Variants in HPS5 observed in about 807,000 individuals in gnomAD.
The protein encoded by HPS5 is BLOC-2 complex member HPS5.
A neutral mutation model predicts 128.0 loss-of-function variants in HPS5; 83 were observed. The observed-to-expected ratio is 0.65, with a 90% CI of 0.54 to 0.78. The LOEUF (loss-of-function observed/expected upper bound fraction) is 0.78, where lower values mean the gene tolerates loss of function less well. HPS5 is among the 30% of genes least tolerant of loss of function. The probability of loss-of-function intolerance (pLI) is 0.00; values close to 1 mark genes in which losing one functional copy is unlikely to be tolerated. For missense variants in HPS5, 1,281 were observed against 1,326.2 expected, an observed-to-expected ratio of 0.97 and a Z score of 0.53; for synonymous variants, 475 against 470.2, an observed-to-expected ratio of 1.01 and a Z score of -0.13.
At chr11:18,292,160 T>G in intron 15 of HPS5, 141 bp from the exon 16 acceptor site, 1 of 672,496 alleles carries the variant, frequency 1.5e-6, no homozygotes, top group Non-Finnish European at 2.6e-6. Context: ...AAATAAAAAC[T>G]ATCTCAACAA....
At chr11:18,307,200 C>A (rs1292825642) in intron 6 of HPS5, among the ~76,000 whole-genome samples, 6 of 152,174 alleles carry the variant, frequency 3.9e-5, no homozygotes, top group Admixed American at 3.9e-4. Context: ...GTCAGGCCTA[C>A]AAAAAGCACT....
rs117906952 is a variant in HPS5 at position 18,298,184 on chromosome 11, G to T, written c.1165-467C>A. 9.1e-3 allele frequency among the ~76,000 whole-genome samples: 1,381 copies of T among 152,156 alleles called. 19 individuals are homozygous for T. The highest frequency in any genetic ancestry group is 0.014 in the Middle Eastern group (4 of 294). On this transcript the variant is annotated intron_variant, in intron 10 of 22. Transcript: ENST00000349215. ...AGCAAGCTGGAGAAAGATTTAATGA[G>T]AATTTTCTTAGGAATTAAGAATTTA...
chr11:18,304,286 G>A (rs554219419), intron 8 of HPS5, among the ~76,000 whole-genome samples: 2 of 149,626 alleles, frequency 1.3e-5, no homozygotes, highest in Non-Finnish European at 1.5e-5. Context: ...GCACGATCTC[G>A]GCTCACTGCA....
At chr11:18,314,244 T>G (rs1360245474) in intron 2 of HPS5, among the ~76,000 whole-genome samples, 1 of 150,588 alleles carries the variant, frequency 6.6e-6, no homozygotes, top group Admixed American at 6.6e-5. Flanking sequence ...GCATCCCCCC[T>G]CCCCCGACCA....
rs144943192 is a variant in HPS5 at position 18,317,926 on chromosome 11, A to C, written c.-49-19T>G. The C allele has an allele frequency of 2.2e-5, 33 of 1,533,298 alleles. No individual in the cohort carries two copies. The African/African-American group carries it at 4.4e-4, about 20-fold the overall frequency. 95.0% of individuals were successfully genotyped at this position (1,533,298 alleles called of 1,614,324 possible). ...TCCTCACCTGAATAAAATCCACAAAAATATAATTTAAGAAGCCCACCATTC... is the reference window on the plus strand; with the variant it reads ...TCCTCACCTGAATAAAATCCACAAACATATAATTTAAGAAGCCCACCATTC... On this transcript the variant is annotated intron_variant, in intron 1 of 22. Transcript: ENST00000349215.
chr11:18,282,996 A>C (rs548419352), intron 21 of HPS5, among the ~76,000 whole-genome samples: 1 of 152,094 alleles, frequency 6.6e-6, no homozygotes, highest in African/African-American at 2.4e-5. Flanking sequence ...GAATTCAAGG[A>C]ATTTTTCTTT....
chr11:18,299,185 T>C (rs1861426171), intron 9 of HPS5, among the ~76,000 whole-genome samples: 1 of 152,224 alleles, frequency 6.6e-6, no homozygotes, highest in African/African-American at 2.4e-5. Context: ...GAAAGAACTA[T>C]ATCTCTCTGA....
At chr11:18,283,508 AT>A (rs1331152006) in intron 21 of HPS5, among the ~76,000 whole-genome samples, 2 of 151,990 alleles carry the variant, frequency 1.3e-5, no homozygotes, top group Non-Finnish European at 2.9e-5. Flanking sequence ...TTGTTATCTC[AT>A]TTAAAACAAC....
In HPS5 at chr11:18,300,832, G is replaced by C. The variant is rs141140267; in HGVS notation, c.981C>G (p.Val327=). Residue 327 remains valine (V), a synonymous_variant, in exon 9 of 23, where the codon GTC becomes GTG. Transcript: ENST00000349215. ...TACAAAGAAAAATATAATTACCTTT[G>C]ACTTCACTCCAAAGAAGAACTTGAA... The part of the protein sequence containing the change: ...QNVQVLLWSE[V]KDIQDVAVCR... The C allele has an allele frequency of 6.7e-7, 1 of 1,486,684 alleles. No individual in the cohort carries two copies. The highest frequency in any genetic ancestry group is 1.4e-5 in the African/African-American group (1 of 72,292). 92.1% of individuals were successfully genotyped at this position (1,486,684 alleles called of 1,614,324 possible).
chr11:18,283,787 T>C lies in HPS5; in HGVS notation c.3058+8A>G. On this transcript the variant is annotated splice_region_variant and intron_variant, in intron 21 of 22. Coordinates refer to ENST00000349215, the MANE Select transcript of HPS5 (RefSeq NM_181507.2). ...ACAACCAAGAGTAACCAGTTAGGAT[T>C]GACATACCATTGTCCCCTTCCATCA... The C allele has an allele frequency of 1.3e-6, 2 of 1,586,080 alleles. No individual in the cohort carries two copies. The highest frequency in any genetic ancestry group is 1.1e-5 in the South Asian group (1 of 90,518).
chr11:18,318,003 G>C lies in HPS5; in HGVS notation c.-49-96C>G, dbSNP rs533587323. 9.1e-6 allele frequency: 8 copies of C among 881,808 alleles called. No homozygotes were observed. In the East Asian group the frequency reaches 2.1e-4, roughly 23 times the overall value. The allele number at this position is 881,808 out of a possible 1,614,324, so 54.6% of individuals were successfully genotyped here. A position where few individuals can be genotyped will look rare whatever the true frequency, so the allele number is the denominator to read the frequency against. On this transcript the variant is annotated intron_variant, in intron 1 of 22. Coordinates refer to ENST00000349215, the MANE Select transcript of HPS5 (RefSeq NM_181507.2). The stretch of plus-strand genomic sequence containing the variant: ...GGGGAACATAGAGAAACATGAGAAA[G>C]TCCCCACTATACAGGGACTTAGAAA...
chr11:18,286,574 G>C lies in HPS5; in HGVS notation c.2837+17C>G. The stretch of plus-strand genomic sequence containing the variant: ...AAAAGTAAAGAAAAAAACAAAGAAA[G>C]AGGACTTCTTCTGTACCTGGGATAA... On this transcript the variant is annotated intron_variant, in intron 19 of 22. Transcript: ENST00000349215. 1 of 1,612,476 alleles carries C rather than the reference G, an allele frequency of 6.2e-7. No individual in the cohort carries two copies. Among genetic ancestry groups the C allele is most frequent in the African/African-American group, 1.3e-5 (1 of 74,878 alleles).
At chr11:18,300,632 G>C (rs3891623) in intron 9 of HPS5, among the ~76,000 whole-genome samples, 196 bp downstream of exon 9, 1 of 151,138 alleles carries the variant, frequency 6.6e-6, no homozygotes, top group African/African-American at 2.4e-5. Flanking sequence ...AGGAGGTGGA[G>C]GTTTCCGTGA....
chr11:18,318,212 C>A (rs1053231318), intron 1 of HPS5, among the ~76,000 whole-genome samples: 1 of 152,102 alleles, frequency 6.6e-6, no homozygotes, highest in Non-Finnish European at 1.5e-5. Flanking sequence ...TGGCATATCA[C>A]CCTGAGTTAA....
intron 2 of HPS5, among the ~76,000 whole-genome samples, chr11:18,312,432 AAAC>A (rs536705193): frequency 1.3e-3 from 204 of 152,330 alleles, no homozygotes; most frequent in Non-Finnish European, 1.3e-3. Context: ...TAATCTGTAC[AAAC>A]ACCACAAAAC....
chr11:18,292,739 A>T (rs1288991041), intron 15 of HPS5, among the ~76,000 whole-genome samples, 160 bp downstream of exon 15: 2 of 152,218 alleles, frequency 1.3e-5, no homozygotes, highest in Admixed American at 1.3e-4. Flanking sequence ...AGTCCTAGGA[A>T]GGCAACTTGG....
chr11:18,305,754 A>C (rs985665902), intron 7 of HPS5, among the ~76,000 whole-genome samples: 1 of 140,682 alleles, frequency 7.1e-6, no homozygotes, highest in South Asian at 2.2e-4. Flanking sequence ...TTTTTTTGAG[A>C]CGGAGTCTCG....
chr11:18,312,195 T>A (rs1378697989), intron 2 of HPS5, among the ~76,000 whole-genome samples, 171 bp from the exon 3 acceptor site: 1 of 152,190 alleles, frequency 6.6e-6, no homozygotes, highest in Non-Finnish European at 1.5e-5. Context: ...TAGTAAAAAA[T>A]ACTGAAGAAA....
chr11:18,299,023 A>G, intron 9 of HPS5, 53 bp from the exon 10 acceptor site: 1 of 1,529,910 alleles, frequency 6.5e-7, no homozygotes, highest in Non-Finnish European at 9.1e-7. Flanking sequence ...TACCCCTTAC[A>G]ATTTTAAAAG....
Sources: allele counts gnomAD v4.1 joint callset (sites outside exome capture counted in the v4.1 genomes callset), GRCh38; gene constraint gnomAD v4.1.1; transcripts MANE v1.5; gene names NCBI Gene and HGNC (gene_info 2026-07-23, HGNC 2026-07-21).